Variants in PLCL2 observed in about 807,000 individuals in gnomAD.
PLCL2 encodes the protein phospholipase C like 2, also known as inactive phospholipase C-like protein 2.
A neutral mutation model predicts 79.6 loss-of-function variants in PLCL2; 4 were observed. That is an observed-to-expected ratio of 0.05 (90% confidence interval 0.02 to 0.11). The LOEUF is 0.11. Ranked by LOEUF, PLCL2 falls within the 10% of genes least tolerant of loss-of-function variation. The pLI, the probability that PLCL2 is intolerant of heterozygous loss-of-function variation, is 1.00. For missense variants in PLCL2, 895 were observed against 1,291.0 expected, an observed-to-expected ratio of 0.69 and a Z score of 4.70; for synonymous variants, 484 against 457.7, an observed-to-expected ratio of 1.06 and a Z score of -0.73.
At chr3:16,996,406 C>T (rs1356805923) in intron 1 of PLCL2, among the ~76,000 whole-genome samples, 1 of 152,058 alleles carries the variant, frequency 6.6e-6, no homozygotes, top group African/African-American at 2.4e-5. Context: ...CAGCTGGACA[C>T]CTGTAGGCAA....
At chr3:16,938,189 T>G (rs897159538) in intron 1 of PLCL2, among the ~76,000 whole-genome samples, 1 of 152,250 alleles carries the variant, frequency 6.6e-6, no homozygotes. Flanking sequence ...GGATCTGTTC[T>G]TTAAAATTTT....
At chr3:17,022,681 TA>T (rs2064468964) in intron 3 of PLCL2, among the ~76,000 whole-genome samples, 1 of 152,174 alleles carries the variant, frequency 6.6e-6, no homozygotes, top group East Asian at 1.9e-4. Context: ...TTTGAATAAA[TA>T]AACTTTAATT....
chr3:16,959,143 C>G (rs1217056870), intron 1 of PLCL2, among the ~76,000 whole-genome samples: 1 of 152,178 alleles, frequency 6.6e-6, no homozygotes, highest in Non-Finnish European at 1.5e-5. Flanking sequence ...TCCTCACCCT[C>G]AAAGATCTCT....
At position 16,944,347 on chromosome 3, in the gene PLCL2, A is replaced by G. The variant is rs143544749; in HGVS notation, c.327+58981A>G. On this transcript the variant is annotated intron_variant, in intron 1 of 5. Transcript: ENST00000615277. ...TCAATGGGGAGCCAGATGACTCTCC[A>G]TCTTTCCAGGTGGTCAGGCCAAGAA... 2.3e-3 allele frequency among the ~76,000 whole-genome samples: 351 copies of G among 152,224 alleles called. 3 individuals carry two copies. Among genetic ancestry groups the G allele is most frequent in the African/African-American group, 7.8e-3 (326 of 41,532 alleles).
chr3:17,000,750 T>C (rs956311890), intron 1 of PLCL2, among the ~76,000 whole-genome samples: 7 of 152,108 alleles, frequency 4.6e-5, no homozygotes, highest in African/African-American at 1.4e-4. Context: ...CAAATGACAG[T>C]ATTTTGTTCT....
chr3:16,937,007 A>G (rs1697556032), intron 1 of PLCL2, among the ~76,000 whole-genome samples: 1 of 152,138 alleles, frequency 6.6e-6, no homozygotes, highest in African/African-American at 2.4e-5. Flanking sequence ...GATGTTTAGT[A>G]ATATCCGTGG....
chr3:16,989,187 C>G (rs2064080445), intron 1 of PLCL2, among the ~76,000 whole-genome samples: 1 of 152,100 alleles, frequency 6.6e-6, no homozygotes, highest in African/African-American at 2.4e-5. Flanking sequence ...TTTATATTGG[C>G]CTCATTTACA....
At chr3:16,957,303 G>C (rs2063715173) in intron 1 of PLCL2, among the ~76,000 whole-genome samples, 1 of 152,150 alleles carries the variant, frequency 6.6e-6, no homozygotes, top group South Asian at 2.1e-4. Context: ...AGTCACTCAG[G>C]AGCAGGTTGT....
intron 1 of PLCL2, among the ~76,000 whole-genome samples, chr3:16,911,757 C>T (rs1426476467): frequency 2.0e-5 from 3 of 152,104 alleles, no homozygotes; most frequent in African/African-American, 7.2e-5. Context: ...TTATTTGTCC[C>T]TTTGTTTTCA....
At chr3:17,026,818 G>A (rs542863238) in intron 3 of PLCL2, among the ~76,000 whole-genome samples, 2 of 151,962 alleles carry the variant, frequency 1.3e-5, no homozygotes, top group East Asian at 1.9e-4. Flanking sequence ...AGTGAGCTGA[G>A]ATCACACCAC....
intron 1 of PLCL2, among the ~76,000 whole-genome samples, chr3:16,932,805 A>C: frequency 6.6e-6 from 1 of 152,220 alleles, no homozygotes; most frequent in East Asian, 1.9e-4. Flanking sequence ...GTAGCCCAGT[A>C]CTGATTAAGA....
At chr3:17,068,172 T>C (rs746874407) in intron 5 of PLCL2, 107 bp downstream of exon 5, 47 of 644,320 alleles carry the variant, frequency 7.3e-5, no homozygotes, top group Non-Finnish European at 1.1e-4. Flanking sequence ...GCCACTGAGA[T>C]TGTAGAATGG....
At chr3:16,929,932 G>A (rs955037935) in intron 1 of PLCL2, among the ~76,000 whole-genome samples, 3 of 152,200 alleles carry the variant, frequency 2.0e-5, no homozygotes, top group Non-Finnish European at 4.4e-5. Context: ...AGGCCTGCAT[G>A]TTACTTCTCA....
chr3:16,956,015 T>G, intron 1 of PLCL2, among the ~76,000 whole-genome samples: 1 of 152,200 alleles, frequency 6.6e-6, no homozygotes, highest in East Asian at 1.9e-4. Flanking sequence ...TTGAATACCC[T>G]TGATTTCCTT....
chr3:17,037,709 A>T (rs4685420), intron 3 of PLCL2, among the ~76,000 whole-genome samples: 87,951 of 152,054 alleles, frequency 0.58, 25,738 homozygotes, highest in South Asian at 0.65. Context: ...ACCCAAGTAT[A>T]TAAAATTATT....
intron 1 of PLCL2, among the ~76,000 whole-genome samples, chr3:16,962,423 CT>C (rs5846949): frequency 6.7e-4 from 97 of 144,100 alleles, no homozygotes; most frequent in East Asian, 4.1e-3. Flanking sequence ...CAGGAGCTTT[CT>C]TTTTTTTTTT....
intron 1 of PLCL2, among the ~76,000 whole-genome samples, chr3:16,921,915 A>G (rs1420321354): frequency 6.6e-6 from 1 of 152,168 alleles, no homozygotes; most frequent in Non-Finnish European, 1.5e-5. Context: ...AGCTATGGGA[A>G]AAAGAAAATT....
chr3:16,977,858 A>T (rs990208005), intron 1 of PLCL2, among the ~76,000 whole-genome samples: 6 of 152,234 alleles, frequency 3.9e-5, no homozygotes, highest in Non-Finnish European at 7.3e-5. Context: ...TAGATTTAGC[A>T]GAGGTTAGGA....
chr3:16,885,163 C>A lies in PLCL2; in HGVS notation c.124C>A (p.Leu42Ile). Residue 42 changes from leucine (L) to isoleucine (I), a missense_variant, in exon 1 of 6, where the codon CTC (leucine) becomes ATC (isoleucine). Transcript: ENST00000615277. ...VGEGGGGGGRLGHGRARYDSG... is the reference protein window; with the variant it reads ...VGEGGGGGGRIGHGRARYDSG... Reference sequence around the variant, plus strand: ...GGAAGGCGGTGGCGGGGGAGGTCGCCTCGGCCACGGGCGGGCGCGCTATGA... The same window carrying A: ...GGAAGGCGGTGGCGGGGGAGGTCGCATCGGCCACGGGCGGGCGCGCTATGA... 1.9e-6 allele frequency: 1 copy of A among 533,390 alleles called. No individual in the cohort carries two copies. Among genetic ancestry groups the A allele is most frequent in the Non-Finnish European group, 3.3e-6 (1 of 299,084 alleles). 33.0% of individuals were successfully genotyped at this position (533,390 alleles called of 1,614,324 possible). A position where few individuals can be genotyped will look rare whatever the true frequency, so the allele number is the denominator to read the frequency against.
Sources: gnomAD v4.1 joint callset for allele counts (sites outside exome capture counted in the v4.1 genomes callset) on GRCh38, gnomAD v4.1.1 for gene constraint, MANE v1.5 for transcripts, NCBI Gene and HGNC (gene_info 2026-07-23, HGNC 2026-07-21) for gene names.